The following UST variants were observed in gnomAD, a reference collection of about 807,000 sequenced individuals.
The protein encoded by UST is uronyl 2-sulfotransferase.
UST carries 21 observed loss-of-function variants against 45.6 expected under a neutral mutation model. The observed-to-expected ratio is 0.46, with a 90% CI of 0.33 to 0.66. The LOEUF is 0.66. Among genes scored for constraint, UST ranks in the 30% least tolerant of loss-of-function variants. The pLI is 0.02. For synonymous variants in UST, 215 were observed against 200.6 expected (o/e 1.07, Z -0.61); for missense variants, 463 against 512.4 (o/e 0.90, Z 0.93).
chr6:148,813,524 G>A (rs894643722), intron 1 of UST, among the ~76,000 whole-genome samples: 2 of 152,038 alleles, frequency 1.3e-5, no homozygotes, highest in Non-Finnish European at 2.9e-5. Flanking sequence ...TGGGATTACA[G>A]GCGCCTGCCA....
At chr6:148,816,119 C>G (rs1177577896) in intron 1 of UST, among the ~76,000 whole-genome samples, 27 of 151,830 alleles carry the variant, frequency 1.8e-4, no homozygotes, top group Non-Finnish European at 2.9e-5. Flanking sequence ...GTAGATAGAG[C>G]ACTTGAAATT....
chr6:148,850,529 T>C (rs1325992239), intron 1 of UST, among the ~76,000 whole-genome samples: 2 of 152,146 alleles, frequency 1.3e-5, no homozygotes, highest in African/African-American at 4.8e-5. Context: ...ACTTCACTAT[T>C]TTAAAGAAAA....
At chr6:148,929,652 T>C (rs965999425) in intron 2 of UST, among the ~76,000 whole-genome samples, 1 of 152,242 alleles carries the variant, frequency 6.6e-6, no homozygotes, top group African/African-American at 2.4e-5. Context: ...CGAGAGAATG[T>C]ATTCTCTTTA....
rs549027211 is a variant in UST at position 148,989,399 on chromosome 6, T to C, written c.681+24836T>C. 5.9e-5 allele frequency among the ~76,000 whole-genome samples: 9 copies of C among 152,240 alleles called. No homozygotes were observed. In the South Asian group the frequency reaches 1.9e-3, roughly 32 times the overall value. Reference sequence around the variant, plus strand: ...TGAATTTCTATTACTTCTAACAAACTGCATTAGCATGTTACCAACACTTAT... The same window carrying C: ...TGAATTTCTATTACTTCTAACAAACCGCATTAGCATGTTACCAACACTTAT... On this transcript the variant is annotated intron_variant, in intron 5 of 7. Coordinates refer to ENST00000367463, the MANE Select transcript of UST (RefSeq NM_005715.3).
intron 1 of UST, among the ~76,000 whole-genome samples, chr6:148,768,132 C>T (rs1776353799): frequency 6.6e-6 from 1 of 152,100 alleles, no homozygotes; most frequent in Non-Finnish European, 1.5e-5. Context: ...ACCTGTTTTG[C>T]CTATACCCTT....
intron 7 of UST, among the ~76,000 whole-genome samples, chr6:149,055,046 G>T (rs1776542072): frequency 6.6e-6 from 1 of 152,010 alleles, no homozygotes; most frequent in South Asian, 2.1e-4. Flanking sequence ...TTTACACTTC[G>T]AGCTGAAAGG....
intron 1 of UST, among the ~76,000 whole-genome samples, chr6:148,829,290 G>T (rs17719900): frequency 1.3e-5 from 2 of 152,106 alleles, no homozygotes; most frequent in South Asian, 2.1e-4. Flanking sequence ...ACCTGGGTCC[G>T]CTGTAACCAT....
intron 1 of UST, among the ~76,000 whole-genome samples, chr6:148,854,339 C>G (rs1012505958): frequency 6.6e-6 from 1 of 152,204 alleles, no homozygotes; most frequent in Non-Finnish European, 1.5e-5. Context: ...TTGGAACTTG[C>G]CCAATCTATT....
chr6:149,049,197 A>G (rs11759315), intron 7 of UST, among the ~76,000 whole-genome samples: 35,751 of 152,236 alleles, frequency 0.23, 4,376 homozygotes, highest in Admixed American at 0.26. Flanking sequence ...ACAGGTACAT[A>G]AAAACTATTA....
chr6:148,851,302 CATTT>C (rs1285762618), intron 1 of UST, among the ~76,000 whole-genome samples: 5 of 151,890 alleles, frequency 3.3e-5, no homozygotes, highest in African/African-American at 1.2e-4. Flanking sequence ...TATACGTACA[CATTT>C]ACTTATAGTT....
intron 5 of UST, among the ~76,000 whole-genome samples, chr6:148,970,439 A>C (rs1326554263): frequency 2.0e-5 from 3 of 152,134 alleles, no homozygotes; most frequent in Admixed American, 2.0e-4. Context: ...GCGATCCCAG[A>C]GAGGCTGAGT....
At chr6:148,776,006 ATAAC>A (rs1490333203) in intron 1 of UST, among the ~76,000 whole-genome samples, 2 of 152,176 alleles carry the variant, frequency 1.3e-5, no homozygotes, top group Non-Finnish European at 2.9e-5. Context: ...CTATTGTTTT[ATAAC>A]TTGGAGGAAT....
intron 5 of UST, among the ~76,000 whole-genome samples, chr6:148,993,679 C>T (rs1213643251): frequency 1.3e-5 from 2 of 152,144 alleles, no homozygotes; most frequent in East Asian, 1.9e-4. Context: ...GGTTTAGCAG[C>T]GACTCCTTGG....
At chr6:148,841,823 G>A (rs1777897286) in intron 1 of UST, among the ~76,000 whole-genome samples, 1 of 152,142 alleles carries the variant, frequency 6.6e-6, no homozygotes, top group Admixed American at 6.5e-5. Context: ...AGCCAAAGGG[G>A]GCTGGGTGCA....
Position 148,941,365 on chromosome 6 carries a change from G to C in UST, c.378G>C (p.Ser126=). 6.2e-7 allele frequency: 1 copy of C among 1,612,582 alleles called. No homozygotes were observed. The highest frequency in any genetic ancestry group is 8.5e-7 in the Non-Finnish European group (1 of 1,179,704). ...RTVVLLLRIL[S]EKHGFNLVTS... is the part of the protein sequence containing the mutation. Reference sequence around the variant, plus strand: ...TGGTCTTGCTTCTGAGAATCTTGTCGGAGAAGCACGGATTTAATTTGGTCA... The same window carrying C: ...TGGTCTTGCTTCTGAGAATCTTGTCCGAGAAGCACGGATTTAATTTGGTCA... Residue 126 remains serine (S), a synonymous_variant, in exon 3 of 8, where the codon TCG becomes TCC. Transcript: ENST00000367463.
intron 1 of UST, among the ~76,000 whole-genome samples, chr6:148,770,441 G>A (rs1776402287): frequency 6.6e-6 from 1 of 151,672 alleles, no homozygotes; most frequent in Non-Finnish European, 1.5e-5. Context: ...AGAAACCATG[G>A]TAGGGGAAGG....
At chr6:148,801,441 A>G (rs563752564) in intron 1 of UST, among the ~76,000 whole-genome samples, 21 of 152,316 alleles carry the variant, frequency 1.4e-4, no homozygotes, top group African/African-American at 4.8e-4. Flanking sequence ...TTCACAACCC[A>G]AATGGCAGTG....
At chr6:149,056,996 A>C (rs1562341979) in intron 7 of UST, among the ~76,000 whole-genome samples, 1 of 152,236 alleles carries the variant, frequency 6.6e-6, no homozygotes. Flanking sequence ...TCCAGAGAGA[A>C]CATCCAGGTT....
At chr6:149,039,415 G>A (rs1202629572) in intron 7 of UST, among the ~76,000 whole-genome samples, 3 of 151,980 alleles carry the variant, frequency 2.0e-5, no homozygotes, top group Non-Finnish European at 2.9e-5. Context: ...TAGGAGAGAC[G>A]GGGTTTCTCC....
Sources: allele counts gnomAD v4.1 joint callset (sites outside exome capture counted in the v4.1 genomes callset), GRCh38; gene constraint gnomAD v4.1.1; transcripts MANE v1.5; gene names NCBI Gene and HGNC (gene_info 2026-07-23, HGNC 2026-07-21).